Variants in RB1CC1 observed in about 807,000 individuals in gnomAD.
RB1CC1 encodes RB1 inducible coiled-coil 1.
RB1CC1 carries 46 observed loss-of-function variants against 177.5 expected under a neutral mutation model. The observed-to-expected ratio is 0.26, with a 90% CI of 0.20 to 0.33. RB1CC1 has a LOEUF of 0.33. Among genes scored for constraint, RB1CC1 ranks in the 10% least tolerant of loss-of-function variants. The pLI is 1.00. For missense variants in RB1CC1, 1,703 were observed against 1,816.3 expected, an observed-to-expected ratio of 0.94 and a Z score of 1.13; for synonymous variants, 666 against 613.6, an observed-to-expected ratio of 1.09 and a Z score of -1.26.
chr8:52,651,401 A>G (rs545862082), intron 15 of RB1CC1, among the ~76,000 whole-genome samples: 1 of 152,374 alleles, frequency 6.6e-6, no homozygotes, highest in South Asian at 2.1e-4. Context: ...ACAGTTGGGT[A>G]GTTTGGATAG....
intron 1 of RB1CC1, among the ~76,000 whole-genome samples, chr8:52,711,550 G>C (rs1857063511): frequency 2.0e-5 from 3 of 152,100 alleles, no homozygotes; most frequent in Admixed American, 2.0e-4. Flanking sequence ...TATATACATA[G>C]ACAGATATGT....
At chr8:52,673,036 A>G (rs923721003) in intron 7 of RB1CC1, among the ~76,000 whole-genome samples, 2 of 152,220 alleles carry the variant, frequency 1.3e-5, no homozygotes, top group Non-Finnish European at 2.9e-5. Flanking sequence ...ACTATATCCT[A>G]TAACTTTAAC....
chr8:52,625,040 A>T (rs1382716192), intron 22 of RB1CC1, among the ~76,000 whole-genome samples: 1 of 152,130 alleles, frequency 6.6e-6, no homozygotes, highest in Non-Finnish European at 1.5e-5. Context: ...CACAGAAATA[A>T]CAGTTCAGGA....
intron 18 of RB1CC1, among the ~76,000 whole-genome samples, chr8:52,638,006 G>A (rs1222455704): frequency 9.9e-5 from 15 of 152,064 alleles, no homozygotes; most frequent in Non-Finnish European, 2.1e-4. Context: ...CTAAGTGCCC[G>A]TGATAGAACT....
chr8:52,682,491 AAAT>A (rs1420087115), intron 5 of RB1CC1, among the ~76,000 whole-genome samples: 2 of 152,186 alleles, frequency 1.3e-5, no homozygotes, highest in Non-Finnish European at 2.9e-5. Context: ...ATTAAAAGAG[AAAT>A]AATGCCAGCT....
At chr8:52,650,767 T>TAC (rs1349087373) in intron 15 of RB1CC1, among the ~76,000 whole-genome samples, 3 of 152,160 alleles carry the variant, frequency 2.0e-5, no homozygotes, top group Admixed American at 6.5e-5. Context: ...GGCATAACAG[T>TAC]ACACACTTGT....
At position 52,658,305 on chromosome 8, in the gene RB1CC1, G is replaced by A. The variant is rs183209087; in HGVS notation, c.1794-181C>T. On this transcript the variant is annotated intron_variant, in intron 13 of 23. Transcript: ENST00000025008. ...GTAAAGTAAAAACTTAGGGCCGGGC[G>A]TGGTGGATCACACCTATAATCCAAG... is the stretch of plus-strand genomic sequence containing the variant. Among the ~76,000 whole-genome samples the A allele has an allele frequency of 1.0e-3, 159 of 152,224 alleles. 1 individual carries two copies. Among genetic ancestry groups the A allele is most frequent in the African/African-American group, 3.6e-3 (151 of 41,540 alleles).
At chr8:52,711,435 C>T (rs879562481) in intron 1 of RB1CC1, among the ~76,000 whole-genome samples, 7 of 152,190 alleles carry the variant, frequency 4.6e-5, no homozygotes, top group Non-Finnish European at 8.8e-5. Flanking sequence ...ACTATACAAT[C>T]GGCTTAGCTA....
intron 8 of RB1CC1, among the ~76,000 whole-genome samples, chr8:52,663,449 G>C (rs1200409701): frequency 6.6e-6 from 1 of 151,870 alleles, no homozygotes; most frequent in Non-Finnish European, 1.5e-5. Flanking sequence ...CATTTGAAAT[G>C]GTCTCTATCT....
chr8:52,631,831 T>C (rs1848782770), intron 20 of RB1CC1, among the ~76,000 whole-genome samples: 1 of 152,192 alleles, frequency 6.6e-6, no homozygotes, highest in Non-Finnish European at 1.5e-5. Context: ...CTGTTGTCAG[T>C]AAATTCTTCT....
chr8:52,659,887 C>T (rs1190668250), intron 12 of RB1CC1, among the ~76,000 whole-genome samples: 2 of 152,156 alleles, frequency 1.3e-5, no homozygotes, highest in Non-Finnish European at 2.9e-5. Flanking sequence ...GTCCCAGCTA[C>T]TTGGGAGGCT....
chr8:52,702,489 G>A (rs940948797), intron 1 of RB1CC1, among the ~76,000 whole-genome samples: 1 of 152,164 alleles, frequency 6.6e-6, no homozygotes, highest in Non-Finnish European at 1.5e-5. Context: ...GGCCGAGGCA[G>A]GTGGATCACT....
intron 15 of RB1CC1, among the ~76,000 whole-genome samples, chr8:52,649,921 C>T (rs112060420): frequency 1.7e-4 from 26 of 152,298 alleles, no homozygotes; most frequent in East Asian, 7.7e-4. Flanking sequence ...TCTGATCTTG[C>T]ATTTCCTTAA....
chr8:52,684,018 A>C lies in RB1CC1; in HGVS notation c.72-5T>G. 1 of 1,609,090 alleles carries C rather than the reference A, an allele frequency of 6.2e-7. No homozygotes were observed. The highest frequency in any genetic ancestry group is 8.5e-7 in the Non-Finnish European group (1 of 1,178,598). The stretch of plus-strand genomic sequence containing the variant: ...GCATGCTTAAGGTCTGCCACACTTC[A>C]AAAAATGAAATAAAATAAATCAGTT... On this transcript the variant is annotated splice_polypyrimidine_tract_variant and splice_region_variant and intron_variant, in intron 3 of 23. Transcript: ENST00000025008.
intron 5 of RB1CC1, among the ~76,000 whole-genome samples, chr8:52,676,808 C>G (rs963691040): frequency 1.3e-5 from 2 of 152,184 alleles, no homozygotes; most frequent in African/African-American, 4.8e-5. Flanking sequence ...CCATAAGACG[C>G]TACCTCTGAA....
intron 15 of RB1CC1, among the ~76,000 whole-genome samples, chr8:52,651,302 C>G (rs1047628762): frequency 1.3e-5 from 2 of 152,200 alleles, no homozygotes; most frequent in Non-Finnish European, 2.9e-5. Flanking sequence ...TACTCTAGAT[C>G]AAGGGCAGGT....
At chr8:52,640,078 C>T (rs1040242944) in intron 18 of RB1CC1, among the ~76,000 whole-genome samples, 10 of 152,156 alleles carry the variant, frequency 6.6e-5, no homozygotes, top group Admixed American at 3.9e-4. Context: ...AGGAACTACA[C>T]AGTTCTCTCA....
chr8:52,664,950 G>C lies in RB1CC1; in HGVS notation c.1173+3071C>G, dbSNP rs80353767. 8.0e-4 allele frequency among the ~76,000 whole-genome samples: 122 copies of C among 152,136 alleles called. 1 individual carries two copies. Among genetic ancestry groups the C allele is most frequent in the African/African-American group, 2.8e-3 (116 of 41,500 alleles). On this transcript the variant is annotated intron_variant, in intron 8 of 23. Coordinates refer to ENST00000025008, the MANE Select transcript of RB1CC1 (RefSeq NM_014781.5). ...GTGATATAAAGCAGGAGGACTAATA[G>C]CAATATTTTAATATACTGAGAGATT...
intron 5 of RB1CC1, among the ~76,000 whole-genome samples, chr8:52,678,861 A>T (rs1414691920): frequency 2.0e-5 from 3 of 152,180 alleles, no homozygotes; most frequent in Non-Finnish European, 2.9e-5. Context: ...ACTTATCTTC[A>T]CCTGTTCTTA....
Sources: allele counts gnomAD v4.1 joint callset (sites outside exome capture counted in the v4.1 genomes callset), GRCh38; gene constraint gnomAD v4.1.1; transcripts MANE v1.5; gene names NCBI Gene and HGNC (gene_info 2026-07-23, HGNC 2026-07-21).